The following OR4N2 variants were observed in gnomAD, a reference collection of about 807,000 sequenced individuals.
The protein encoded by OR4N2 is olfactory receptor 4N2.
For missense variants in OR4N2, 307 were observed against 377.6 expected (o/e 0.81, Z 1.55); for synonymous variants, 141 against 140.4 (o/e 1.00, Z -0.03).
At chr14:19,804,028 G>T (rs1686561) in intron 1 of OR4N2, among the ~76,000 whole-genome samples, 184 bp downstream of exon 1, 10,177 of 150,066 alleles carry the variant, frequency 0.068, 65 homozygotes, top group East Asian at 0.18. Flanking sequence ...ATATTTCTTT[G>T]GGGTTGGTGG....
intron 1 of OR4N2, among the ~76,000 whole-genome samples, chr14:19,813,962 CTT>C (rs1355381058): frequency 2.7e-4 from 41 of 151,006 alleles, no homozygotes; most frequent in African/African-American, 9.6e-4. Flanking sequence ...CTCTCTCTCT[CTT>C]TTCTTCTTTC....
At chr14:19,823,146 A>G (rs192562820) in intron 1 of OR4N2, among the ~76,000 whole-genome samples, 105 of 152,354 alleles carry the variant, frequency 6.9e-4, no homozygotes, top group African/African-American at 2.4e-3. Context: ...CCTGATTCAC[A>G]CTTTTTAGAA....
At chr14:19,804,863 A>T (rs1879124993) in intron 1 of OR4N2, among the ~76,000 whole-genome samples, 1 of 152,212 alleles carries the variant, frequency 6.6e-6, no homozygotes, top group Non-Finnish European at 1.5e-5. Flanking sequence ...TTCCTTTATA[A>T]GTCTGGGTAC....
rs755552785 is a variant in OR4N2, at chr14:19,827,710, G to A, written c.262G>A (p.Ala88Thr). 1.2e-6 allele frequency: 2 copies of A among 1,614,216 alleles called. No individual in the cohort carries two copies. The highest frequency in any genetic ancestry group is 4.5e-5 in the East Asian group (2 of 44,888). The stretch of plus-strand genomic sequence containing the variant: ...CCGGATGTTGGTGGACTTCCTCTCT[G>A]CGAAGAAGATAATCTCCTACAGAGG... ...APRMLVDFLSAKKIISYRGCI... is the reference protein window; with the variant it reads ...APRMLVDFLSTKKIISYRGCI... The change falls in exon 2 of 2, where the codon GCG becomes ACG. Residue 88 changes from alanine to threonine, a missense_variant. Ala to Thr is a moderately conservative substitution (Grantham distance 58). Coordinates refer to ENST00000557677, the MANE Select transcript of OR4N2 (RefSeq NM_001004723.3).
At chr14:19,803,953 T>G (rs1174636905) in intron 1 of OR4N2, 109 bp downstream of exon 1, 1 of 152,252 alleles carries the variant, frequency 6.6e-6, no homozygotes, top group Non-Finnish European at 1.5e-5. Flanking sequence ...TTCTAATAAT[T>G]TATTAATTTC....
intron 1 of OR4N2, among the ~76,000 whole-genome samples, chr14:19,817,063 C>T (rs907361985): frequency 1.3e-5 from 2 of 152,192 alleles, no homozygotes; most frequent in East Asian, 1.9e-4. Flanking sequence ...GGTGGATAAG[C>T]TTTTTGATGT....
chr14:19,815,194 G>A (rs1879393929), intron 1 of OR4N2, among the ~76,000 whole-genome samples: 2 of 152,228 alleles, frequency 1.3e-5, no homozygotes, highest in African/African-American at 4.8e-5. Context: ...CCCAGTAATG[G>A]GATTGCTGGG....
intron 1 of OR4N2, among the ~76,000 whole-genome samples, chr14:19,812,871 C>A (rs553214793): frequency 5.7e-4 from 87 of 152,204 alleles, no homozygotes; most frequent in African/African-American, 2.0e-3. Flanking sequence ...GAGACAAACT[C>A]TTTTGTTGGA....
intron 1 of OR4N2, among the ~76,000 whole-genome samples, chr14:19,819,593 T>C (rs1048285999): frequency 2.6e-5 from 4 of 152,266 alleles, no homozygotes; most frequent in African/African-American, 9.6e-5. Flanking sequence ...CCTCTAACCT[T>C]TTTCAAGGTT....
intron 1 of OR4N2, among the ~76,000 whole-genome samples, chr14:19,825,526 C>CTTATTTAT (rs71108560): frequency 6.2e-3 from 873 of 140,728 alleles, no homozygotes; most frequent in African/African-American, 0.012. Flanking sequence ...TGCTAGAGCA[C>CTTATTTAT]TTATTTATTT....
intron 1 of OR4N2, among the ~76,000 whole-genome samples, chr14:19,807,896 A>G (rs1384345521): frequency 6.6e-6 from 1 of 152,176 alleles, no homozygotes; most frequent in East Asian, 1.9e-4. Flanking sequence ...GTGATCAAGT[A>G]GGTACTATTC....
At chr14:19,822,950 G>A (rs1397565125) in intron 1 of OR4N2, among the ~76,000 whole-genome samples, 1 of 152,290 alleles carries the variant, frequency 6.6e-6, no homozygotes, top group East Asian at 1.9e-4. Flanking sequence ...CCCAAACCAG[G>A]GATCCTTTTA....
chr14:19,808,945 G>C (rs1216624224), intron 1 of OR4N2, among the ~76,000 whole-genome samples: 1 of 152,142 alleles, frequency 6.6e-6, no homozygotes, highest in East Asian at 1.9e-4. Flanking sequence ...GAACAGAATA[G>C]AAAACCCAGA....
At chr14:19,826,350 A>G (rs1879699417) in intron 1 of OR4N2, among the ~76,000 whole-genome samples, 1 of 152,268 alleles carries the variant, frequency 6.6e-6, no homozygotes, top group Non-Finnish European at 1.5e-5. Context: ...TTAGTTATCC[A>G]AATGCACAAA....
intron 1 of OR4N2, among the ~76,000 whole-genome samples, chr14:19,824,412 G>A (rs1309517136): frequency 1.3e-5 from 2 of 152,252 alleles, no homozygotes; most frequent in Admixed American, 1.3e-4. Flanking sequence ...CAGAATGGAA[G>A]AGCTTATAAC....
intron 1 of OR4N2, among the ~76,000 whole-genome samples, chr14:19,816,511 A>G (rs1403448216): frequency 6.6e-6 from 1 of 152,238 alleles, no homozygotes; most frequent in Non-Finnish European, 1.5e-5. Context: ...TTAATGGTGT[A>G]TAGGAATGTT....
At chr14:19,822,552 G>A (rs545949756) in intron 1 of OR4N2, 1 of 152,356 alleles carries the variant, frequency 6.6e-6, no homozygotes, top group East Asian at 1.9e-4. Flanking sequence ...CAAACCACTA[G>A]CTGTACTGGC....
chr14:19,807,646 T>C (rs1489461024), intron 1 of OR4N2, among the ~76,000 whole-genome samples: 1 of 151,834 alleles, frequency 6.6e-6, no homozygotes, highest in Non-Finnish European at 1.5e-5. Context: ...AGCTGAATTC[T>C]ACCAGATTTT....
At chr14:19,808,842 A>T (rs10151185) in intron 1 of OR4N2, among the ~76,000 whole-genome samples, 4,696 of 151,596 alleles carry the variant, frequency 0.031, 32 homozygotes, top group African/African-American at 0.1. Context: ...AAGTAAAAAA[A>T]ATGAAACTAG....
Sources: allele counts gnomAD v4.1 joint callset (sites outside exome capture counted in the v4.1 genomes callset), GRCh38; gene constraint gnomAD v4.1.1; transcripts MANE v1.5; gene names NCBI Gene and HGNC (gene_info 2026-07-23, HGNC 2026-07-21).